The following POU2F1 variants were observed in gnomAD, a reference collection of about 807,000 sequenced individuals.
POU2F1 encodes POU class 2 homeobox 1.
Under a neutral mutation model 84.9 loss-of-function variants are expected in POU2F1, and 16 were observed. That is an observed-to-expected ratio of 0.19 (90% confidence interval 0.13 to 0.29). The LOEUF (loss-of-function observed/expected upper bound fraction) is 0.29, where lower values mean the gene tolerates loss of function less well. POU2F1 is among the 10% of genes least tolerant of loss of function. POU2F1 has a pLI of 1.00. For missense variants in POU2F1, 738 were observed against 942.6 expected, an observed-to-expected ratio of 0.78 and a Z score of 2.84; for synonymous variants, 368 against 368.3, an observed-to-expected ratio of 1.00 and a Z score of 0.01.
chr1:167,265,101 A>G (rs2102448135), intron 1 of POU2F1, among the ~76,000 whole-genome samples: 1 of 152,324 alleles, frequency 6.6e-6, no homozygotes, highest in South Asian at 2.1e-4. Context: ...GAATTTTGTA[A>G]GAGAGTCCTG....
rs1194893972 is a variant in POU2F1, at chr1:167,426,873, C to T, written c.*11063C>T. 6.6e-6 allele frequency: 1 copy of T among 152,178 alleles called. No homozygotes were observed. Among genetic ancestry groups the T allele is most frequent in the African/African-American group, 2.4e-5 (1 of 41,424 alleles). The allele number at this position is 152,178 out of a possible 1,614,324, so 9.4% of individuals were successfully genotyped here. A position where few individuals can be genotyped will look rare whatever the true frequency, so the allele number is the denominator to read the frequency against. On this transcript the variant is annotated 3_prime_UTR_variant, in exon 16 of 16. Transcript: ENST00000367866. Reference sequence around the variant, plus strand: ...CATTTCTCTTAGATAACTCTGCACTCTGGGTGGCTATTGTGTAGCCTTACT... The same window carrying T: ...CATTTCTCTTAGATAACTCTGCACTTTGGGTGGCTATTGTGTAGCCTTACT...
chr1:167,404,961 C>T (rs76999433), intron 13 of POU2F1, among the ~76,000 whole-genome samples: 3,071 of 152,226 alleles, frequency 0.02, 106 homozygotes, highest in African/African-American at 0.069. Context: ...AGGGAAAAAC[C>T]ATATCCTTAG....
intron 8 of POU2F1, among the ~76,000 whole-genome samples, chr1:167,389,046 A>G (rs1024572396): frequency 1.3e-5 from 2 of 152,238 alleles, no homozygotes; most frequent in Admixed American, 6.5e-5. Context: ...TCCTTGGGGA[A>G]AAAACTGGAA....
chr1:167,389,552 G>A (rs752450755), intron 8 of POU2F1, 36 bp from the exon 9 acceptor site: 66 of 1,610,742 alleles, frequency 4.1e-5, no homozygotes, highest in South Asian at 7.7e-5. Context: ...ATCTCTTCAC[G>A]TGTTTTTCCT....
At chr1:167,296,498 A>G (rs1292166631) in intron 1 of POU2F1, among the ~76,000 whole-genome samples, 2 of 152,186 alleles carry the variant, frequency 1.3e-5, no homozygotes, top group Admixed American at 6.5e-5. Context: ...AAAATAATAA[A>G]AACTGATTAC....
At chr1:167,386,579 T>C (rs1483848336) in intron 8 of POU2F1, among the ~76,000 whole-genome samples, 2 of 152,254 alleles carry the variant, frequency 1.3e-5, no homozygotes, top group Non-Finnish European at 2.9e-5. Context: ...AAGACTTGTA[T>C]GTGAATGTTT....
rs763159180 is a variant in POU2F1, at chr1:167,398,138, G to A, written c.1269+5G>A. On this transcript the variant is annotated splice_donor_5th_base_variant and intron_variant, in intron 11 of 15. Coordinates refer to ENST00000367866, the MANE Select transcript of POU2F1 (RefSeq NM_002697.4). Reference sequence around the variant, plus strand: ...TTAGAGAAGAGTTTCTTGGAGGTCAGTGAGGATTTTACTTTTCTGTACATG... The same window carrying A: ...TTAGAGAAGAGTTTCTTGGAGGTCAATGAGGATTTTACTTTTCTGTACATG... 15 of 1,613,246 alleles carry A rather than the reference G, an allele frequency of 9.3e-6. No homozygotes were observed. Among genetic ancestry groups the A allele is most frequent in the South Asian group, 8.8e-5 (8 of 90,986 alleles).
chr1:167,262,217 T>C (rs1651619892), intron 1 of POU2F1, among the ~76,000 whole-genome samples: 1 of 152,044 alleles, frequency 6.6e-6, no homozygotes. Context: ...GTGCCATGGC[T>C]ACTCACAGGT....
At chr1:167,261,969 G>A (rs1235644222) in intron 1 of POU2F1, among the ~76,000 whole-genome samples, 1 of 152,182 alleles carries the variant, frequency 6.6e-6, no homozygotes, top group African/African-American at 2.4e-5. Context: ...ACAGGCATGA[G>A]CCACTGTGCC....
rs182983577 is a variant in POU2F1, at chr1:167,378,117, C to T, written c.718+1962C>T. 9.4e-4 allele frequency among the ~76,000 whole-genome samples: 143 copies of T among 152,330 alleles called. 1 individual carries two copies. Among genetic ancestry groups the T allele is most frequent in the African/African-American group, 2.9e-3 (122 of 41,588 alleles). Reference sequence around the variant, plus strand: ...GGCAATTCTAAGTTCTTTGAGAAATCGCCAAACTGCTTTCCGCAATGGCTT... The same window carrying T: ...GGCAATTCTAAGTTCTTTGAGAAATTGCCAAACTGCTTTCCGCAATGGCTT... On this transcript the variant is annotated intron_variant, in intron 7 of 15. Coordinates refer to ENST00000367866, the MANE Select transcript of POU2F1 (RefSeq NM_002697.4).
At chr1:167,377,658 T>C (rs1300364406) in intron 7 of POU2F1, among the ~76,000 whole-genome samples, 1 of 152,168 alleles carries the variant, frequency 6.6e-6, no homozygotes, top group African/African-American at 2.4e-5. Context: ...AACCTCCCAA[T>C]TACTTTTTTT....
chr1:167,257,634 A>T (rs1008506535), intron 1 of POU2F1, among the ~76,000 whole-genome samples: 5 of 152,242 alleles, frequency 3.3e-5, no homozygotes, highest in Non-Finnish European at 7.3e-5. Flanking sequence ...ATTGCATTGT[A>T]GGAAATATTA....
At chr1:167,258,992 CCT>C (rs1651353246) in intron 1 of POU2F1, among the ~76,000 whole-genome samples, 1 of 152,164 alleles carries the variant, frequency 6.6e-6, no homozygotes, top group South Asian at 2.1e-4. Flanking sequence ...TTTGCTAACC[CCT>C]GTTTTTATTG....
At position 167,397,727 on chromosome 1, in the gene POU2F1, G is replaced by A. The variant is rs143554826; in HGVS notation, c.1130-267G>A. Among the ~76,000 whole-genome samples, 577 of 152,136 alleles carry A rather than the reference G, an allele frequency of 3.8e-3. 3 individuals carry two copies. The highest frequency in any genetic ancestry group is 0.013 in the African/African-American group (555 of 41,496). On this transcript the variant is annotated intron_variant, in intron 10 of 15. Transcript: ENST00000367866. ...TGCCCAGCTAATTTTTGTATTTTTG[G>A]TAGAGATGGGGTTTCACCATTTAGC...
chr1:167,324,100 G>A (rs1421434660), intron 1 of POU2F1, among the ~76,000 whole-genome samples: 1 of 152,132 alleles, frequency 6.6e-6, no homozygotes, highest in African/African-American at 2.4e-5. Context: ...TTGATAAAGG[G>A]TAATTACTAA....
At chr1:167,267,028 A>G (rs571669556) in intron 1 of POU2F1, among the ~76,000 whole-genome samples, 2 of 152,316 alleles carry the variant, frequency 1.3e-5, no homozygotes, top group Non-Finnish European at 2.9e-5. Context: ...TTTGTTTGTA[A>G]AGTGGAAAAA....
intron 1 of POU2F1, among the ~76,000 whole-genome samples, chr1:167,294,555 C>T (rs1571244350): frequency 6.6e-6 from 1 of 152,190 alleles, no homozygotes; most frequent in South Asian, 2.1e-4. Context: ...CTACAAGGAA[C>T]TCAAACAAAT....
rs75291534 is a variant in POU2F1, at chr1:167,341,458, G to A, written c.127+8923G>A. 6.1e-3 allele frequency among the ~76,000 whole-genome samples: 928 copies of A among 152,120 alleles called. 11 individuals are homozygous for A. The highest frequency in any genetic ancestry group is 0.021 in the African/African-American group (879 of 41,482). The stretch of plus-strand genomic sequence containing the variant: ...GATAGATCCAAGGCTTCCCTATCCT[G>A]TCCTTTTTCACTTGCTTTTTTCATT... On this transcript the variant is annotated intron_variant, in intron 2 of 15. Coordinates refer to ENST00000367866, the MANE Select transcript of POU2F1 (RefSeq NM_002697.4).
At chr1:167,244,862 T>C (rs1049030774) in intron 1 of POU2F1, among the ~76,000 whole-genome samples, 1 of 152,202 alleles carries the variant, frequency 6.6e-6, no homozygotes, top group African/African-American at 2.4e-5. Context: ...ATCTTGGGCC[T>C]TGGAAGCCTG....
Sources: allele counts gnomAD v4.1 joint callset (sites outside exome capture counted in the v4.1 genomes callset), GRCh38; gene constraint gnomAD v4.1.1; transcripts MANE v1.5; gene names NCBI Gene and HGNC (gene_info 2026-07-23, HGNC 2026-07-21).